C6: variants seen among roughly 807,000 people sequenced by gnomAD.
C6 encodes complement C6.
C6 carries 101 observed loss-of-function variants against 112.9 expected under a neutral mutation model. That is an observed-to-expected ratio of 0.89 (90% CI 0.76 to 1.06). The LOEUF is 1.06. Among genes scored for constraint, C6 ranks in the 50% least tolerant of loss-of-function variants. C6 has a pLI of 0.00. For synonymous variants in C6, 431 were observed against 384.1 expected (o/e 1.12, Z -1.43); for missense variants, 1,202 against 1,104.6 (o/e 1.09, Z -1.25).
At chr5:41,173,890 G>C (rs1406277735) in intron 8 of C6, among the ~76,000 whole-genome samples, 1 of 152,094 alleles carries the variant, frequency 6.6e-6, no homozygotes, top group East Asian at 1.9e-4. Context: ...GGTTGTTTCA[G>C]TCTGGTTGAA....
chr5:41,218,108 A>C (rs1738896791), upstream of C6, among the ~76,000 whole-genome samples: 1 of 152,196 alleles, frequency 6.6e-6, no homozygotes, highest in Non-Finnish European at 1.5e-5. Context: ...GACTTAAGAT[A>C]CAAAGATGAA....
intron 1 of C6, among the ~76,000 whole-genome samples, chr5:41,234,051 G>A (rs1453056662): frequency 6.6e-6 from 1 of 151,954 alleles, no homozygotes; most frequent in East Asian, 1.9e-4. Context: ...AGTGAACTTT[G>A]CTTAACCATA....
chr5:41,162,559 T>C (rs1472746955), intron 9 of C6, among the ~76,000 whole-genome samples: 3 of 152,162 alleles, frequency 2.0e-5, no homozygotes, highest in Non-Finnish European at 4.4e-5. Flanking sequence ...CAATTTCCAC[T>C]AACCAAATGG....
intron 1 of C6, among the ~76,000 whole-genome samples, chr5:41,252,832 A>G (rs1489211696): frequency 2.6e-5 from 4 of 152,180 alleles, no homozygotes; most frequent in Non-Finnish European, 4.4e-5. Flanking sequence ...CCAATTGCCA[A>G]TCAGAAAATC....
chr5:41,201,345 T>A (rs1751017021), intron 3 of C6, among the ~76,000 whole-genome samples: 1 of 152,136 alleles, frequency 6.6e-6, no homozygotes, highest in South Asian at 2.1e-4. Context: ...GGAGCAAAAT[T>A]TCCTTTTTGT....
chr5:41,207,662 C>G (rs1751545752), intron 1 of C6, among the ~76,000 whole-genome samples: 1 of 152,122 alleles, frequency 6.6e-6, no homozygotes, highest in Admixed American at 6.5e-5. Context: ...GGGATGAATT[C>G]AAAAAGAAGA....
chr5:41,150,099 A>G, intron 15 of C6, 74 bp from the exon 16 acceptor site: 1 of 953,994 alleles, frequency 1.0e-6, no homozygotes, highest in Non-Finnish European at 1.7e-6. Context: ...AATTCAGAGA[A>G]GAGGCAGTGG....
chr5:41,208,100 C>T (rs1751585762), intron 1 of C6, among the ~76,000 whole-genome samples: 1 of 152,234 alleles, frequency 6.6e-6, no homozygotes, highest in Non-Finnish European at 1.5e-5. Flanking sequence ...GGAAACTGAA[C>T]AACCTGCTCT....
At chr5:41,210,065 C>A (rs561629538) in intron 1 of C6, among the ~76,000 whole-genome samples, 1 of 152,076 alleles carries the variant, frequency 6.6e-6, no homozygotes. Context: ...TAATACCACA[C>A]GTCTACAGCC....
At chr5:41,169,257 C>T (rs1317799857) in intron 9 of C6, among the ~76,000 whole-genome samples, 1 of 152,020 alleles carries the variant, frequency 6.6e-6, no homozygotes, top group African/African-American at 2.4e-5. Context: ...ACTATCTGGC[C>T]ACCCTTCCCC....
chr5:41,142,583 C>T lies in C6; in HGVS notation c.*242G>A, dbSNP rs1423415. The T allele has an allele frequency of 0.014, 7,796 of 544,788 alleles. 496 individuals carry two copies. The highest frequency in any genetic ancestry group is 0.13 in the African/African-American group (6,922 of 52,926). 33.7% of individuals were successfully genotyped at this position (544,788 alleles called of 1,614,324 possible). ...TGTACAATGTGAACAGGAGAATTTA[C>T]GAGACTGCTGTGGAAGTTGGTACCT... On this transcript the variant is annotated 3_prime_UTR_variant, in exon 18 of 18. Transcript: ENST00000337836.
chr5:41,142,584 GAGACTGCT>G lies in C6; in HGVS notation c.*233_*240del. On this transcript the variant is annotated 3_prime_UTR_variant, in exon 18 of 18. Transcript: ENST00000337836. The stretch of plus-strand genomic sequence containing the variant: ...GTACAATGTGAACAGGAGAATTTAC[GAGACTGCT>G]GTGGAAGTTGGTACCTAGGGGTATG... 1 of 545,984 alleles carries G rather than the reference GAGACTGCT, an allele frequency of 1.8e-6. No homozygotes were observed. The allele number at this position is 545,984 out of a possible 1,614,324, so 33.8% of individuals were successfully genotyped here.
At chr5:41,183,456 C>G (rs986003173) in intron 6 of C6, among the ~76,000 whole-genome samples, 25 of 152,090 alleles carry the variant, frequency 1.6e-4, no homozygotes, top group African/African-American at 6.0e-4. Flanking sequence ...GTCAGGATGA[C>G]TAGTATTAAA....
chr5:41,200,348 G>A (rs575253402), intron 3 of C6, among the ~76,000 whole-genome samples: 2 of 152,244 alleles, frequency 1.3e-5, no homozygotes, highest in East Asian at 3.9e-4. Flanking sequence ...AAACCAATGC[G>A]AATGTAGTCT....
intron 3 of C6, among the ~76,000 whole-genome samples, chr5:41,200,897 T>G (rs1322516681): frequency 1.9e-4 from 15 of 77,106 alleles, no homozygotes; most frequent in Non-Finnish European, 3.6e-4. Flanking sequence ...TGTTGTTTTT[T>G]TTTTTTTTTT....
upstream of C6, among the ~76,000 whole-genome samples, chr5:41,214,722 G>A (rs1752134672): frequency 6.6e-6 from 1 of 152,160 alleles, no homozygotes; most frequent in Non-Finnish European, 1.5e-5. Context: ...ATTGGTCTTT[G>A]AGGTCCTAAA....
intron 9 of C6, among the ~76,000 whole-genome samples, chr5:41,163,222 A>G (rs1747686067): frequency 6.6e-6 from 1 of 152,082 alleles, no homozygotes; most frequent in African/African-American, 2.4e-5. Context: ...TCTTCTCAGA[A>G]GCCACATCGT....
chr5:41,257,601 A>G (rs1035337856), intron 1 of C6, among the ~76,000 whole-genome samples: 1 of 152,170 alleles, frequency 6.6e-6, no homozygotes. Flanking sequence ...AGTAGGCTTC[A>G]GGCTTCTTTA....
chr5:41,152,441 G>A (rs1453460173), intron 15 of C6, among the ~76,000 whole-genome samples: 1 of 152,050 alleles, frequency 6.6e-6, no homozygotes, highest in African/African-American at 2.4e-5. Flanking sequence ...GACTATTCAG[G>A]CATCCCAAGA....
Sources: gnomAD v4.1 joint callset for allele counts (sites outside exome capture counted in the v4.1 genomes callset) on GRCh38, gnomAD v4.1.1 for gene constraint, MANE v1.5 for transcripts, NCBI Gene and HGNC (gene_info 2026-07-23, HGNC 2026-07-21) for gene names.